The following XKR9 variants were observed in gnomAD, a reference collection of about 807,000 sequenced individuals.
XKR9 encodes XK-related protein 9.
A neutral mutation model predicts 32.0 loss-of-function variants in XKR9; 32 were observed. That is an observed-to-expected ratio of 1.00 (90% CI 0.76 to 1.34). The LOEUF is 1.34. Among genes scored for constraint, XKR9 ranks in the 40% most tolerant of loss-of-function variants. The pLI is 0.00. For missense variants in XKR9, 546 were observed against 429.7 expected (o/e 1.27, Z -2.39); for synonymous variants, 168 against 143.4 (o/e 1.17, Z -1.22).
At chr8:70,704,203 A>G (rs1419162703) in intron 3 of XKR9, among the ~76,000 whole-genome samples, 1 of 152,070 alleles carries the variant, frequency 6.6e-6, no homozygotes, top group East Asian at 1.9e-4. Context: ...AAATAAAATA[A>G]AATAAACAAT....
chr8:70,873,658 ACGG>A, the XKR9 span, among the ~76,000 whole-genome samples: 507 of 152,330 alleles, frequency 3.3e-3, 5 homozygotes, highest in African/African-American at 0.011. Context: ...GTTGCTTCTT[ACGG>A]ATGAGAAGAA....
At chr8:70,890,473 A>G in the XKR9 span, among the ~76,000 whole-genome samples, 2,447 of 151,988 alleles carry the variant, frequency 0.016, 36 homozygotes, top group Non-Finnish European at 0.021. Context: ...GAATGCTGAG[A>G]TACACTCCTC....
At chr8:70,724,804 G>A (rs186558098) in intron 4 of XKR9, among the ~76,000 whole-genome samples, 25 of 152,230 alleles carry the variant, frequency 1.6e-4, no homozygotes, top group Admixed American at 1.1e-3. Flanking sequence ...GCTGCAGACC[G>A]GAGCTTTTCA....
At chr8:70,941,044 A>G in the XKR9 span, among the ~76,000 whole-genome samples, 2 of 152,108 alleles carry the variant, frequency 1.3e-5, no homozygotes, top group Non-Finnish European at 2.9e-5. Flanking sequence ...CATTTAGTAC[A>G]TTCACAATGC....
chr8:70,867,755 AC>A, the XKR9 span, among the ~76,000 whole-genome samples: 1 of 152,048 alleles, frequency 6.6e-6, no homozygotes, highest in Non-Finnish European at 1.5e-5. Flanking sequence ...GCCAGTCAAT[AC>A]CCCAAAGTCT....
intron 2 of XKR9, among the ~76,000 whole-genome samples, chr8:70,755,671 A>G (rs1387448595): frequency 6.7e-6 from 1 of 148,482 alleles, no homozygotes; most frequent in African/African-American, 2.5e-5. Flanking sequence ...AAAAAACCAA[A>G]CACCGCATGT....
At chr8:70,753,073 T>C (rs1807165613) in intron 2 of XKR9, among the ~76,000 whole-genome samples, 1 of 152,128 alleles carries the variant, frequency 6.6e-6, no homozygotes, top group Non-Finnish European at 1.5e-5. Context: ...TAAAAAATGA[T>C]AAAGGGGACA....
At chr8:70,978,133 C>T in the XKR9 span, among the ~76,000 whole-genome samples, 1 of 152,142 alleles carries the variant, frequency 6.6e-6, no homozygotes, top group Non-Finnish European at 1.5e-5. Context: ...TGTGTCTCTG[C>T]ACGTGAGATG....
chr8:70,921,188 C>T, the XKR9 span, among the ~76,000 whole-genome samples: 3 of 152,204 alleles, frequency 2.0e-5, no homozygotes, highest in South Asian at 2.1e-4. Flanking sequence ...AACAATTCCT[C>T]GAGTGCTGAG....
chr8:70,764,100 C>A (rs1346137745), intron 2 of XKR9, among the ~76,000 whole-genome samples: 1 of 152,162 alleles, frequency 6.6e-6, no homozygotes, highest in Non-Finnish European at 1.5e-5. Context: ...ATGAGATAAC[C>A]TATGTCATGA....
At chr8:70,719,842 C>T (rs529323760) in intron 4 of XKR9, among the ~76,000 whole-genome samples, 13 of 151,554 alleles carry the variant, frequency 8.6e-5, no homozygotes, top group Non-Finnish European at 1.5e-4. Flanking sequence ...GTCAGTGGTA[C>T]CTTGATGGTT....
At chr8:70,736,106 C>T (rs1806856616), downstream of XKR9, among the ~76,000 whole-genome samples, 1 of 152,108 alleles carries the variant, frequency 6.6e-6, no homozygotes, top group East Asian at 1.9e-4. Context: ...CCTATTTCTC[C>T]ACATCCTCTC....
chr8:70,889,616 A>G, the XKR9 span, among the ~76,000 whole-genome samples: 96 of 151,802 alleles, frequency 6.3e-4, no homozygotes, highest in African/African-American at 2.2e-3. Flanking sequence ...TGAGTACCTG[A>G]TATTTAGTTT....
At chr8:70,698,924 C>T (rs62530781) in intron 3 of XKR9, among the ~76,000 whole-genome samples, 9,044 of 152,166 alleles carry the variant, frequency 0.059, 405 homozygotes, top group Non-Finnish European at 0.089. Context: ...GAATTGATCC[C>T]TTTACCATTA....
intron 3 of XKR9, among the ~76,000 whole-genome samples, chr8:70,698,837 A>G (rs1158438175): frequency 6.6e-6 from 1 of 151,922 alleles, no homozygotes; most frequent in African/African-American, 2.4e-5. Context: ...TTTGTAGGTC[A>G]CTCGGGACTT....
chr8:71,018,505 A>T, the XKR9 span, among the ~76,000 whole-genome samples: 4 of 152,222 alleles, frequency 2.6e-5, no homozygotes, highest in African/African-American at 9.6e-5. Context: ...AAGAGAGAAA[A>T]GTGGAGTAAC....
At chr8:70,878,620 A>G in the XKR9 span, among the ~76,000 whole-genome samples, 1,880 of 152,312 alleles carry the variant, frequency 0.012, 52 homozygotes, top group African/African-American at 0.043. Flanking sequence ...CTAAATATAT[A>G]TGCACCCAAT....
At chr8:70,852,764 C>T in the XKR9 span, among the ~76,000 whole-genome samples, 1 of 152,024 alleles carries the variant, frequency 6.6e-6, no homozygotes, top group African/African-American at 2.4e-5. Flanking sequence ...AACTAAACAT[C>T]TCATGTTCTC....
At chr8:70,808,905 T>A in the XKR9 span, among the ~76,000 whole-genome samples, 1 of 152,236 alleles carries the variant, frequency 6.6e-6, no homozygotes, top group African/African-American at 2.4e-5. Context: ...CAGAAACCTC[T>A]GCAGACTTAA....
Sources: gnomAD v4.1 joint callset for allele counts (sites outside exome capture counted in the v4.1 genomes callset) on GRCh38, gnomAD v4.1.1 for gene constraint, MANE v1.5 for transcripts, NCBI Gene and HGNC (gene_info 2026-07-23, HGNC 2026-07-21) for gene names.